Variants in L3MBTL3 observed in about 807,000 individuals in gnomAD.
L3MBTL3 encodes lethal(3)malignant brain tumor-like protein 3.
L3MBTL3 carries 27 observed loss-of-function variants against 102.3 expected under a neutral mutation model. The ratio of observed to expected loss-of-function variants is 0.26; its 90% CI spans 0.19 to 0.36. L3MBTL3 has a LOEUF of 0.36. Ranked by LOEUF, L3MBTL3 falls within the 10% of genes least tolerant of loss-of-function variation. The pLI, the probability that L3MBTL3 is intolerant of heterozygous loss-of-function variation, is 1.00. For synonymous variants in L3MBTL3, 340 were observed against 320.9 expected, an observed-to-expected ratio of 1.06 and a Z score of -0.64; for missense variants, 798 against 955.3, an observed-to-expected ratio of 0.84 and a Z score of 2.17.
chr6:130,051,698 G>T (rs1041031367), intron 6 of L3MBTL3, among the ~76,000 whole-genome samples: 26 of 152,140 alleles, frequency 1.7e-4, no homozygotes, highest in Non-Finnish European at 7.4e-5. Flanking sequence ...AGAGTATTTA[G>T]TTTTTTCTGG....
chr6:130,097,233 A>G (rs1483504085), intron 18 of L3MBTL3, among the ~76,000 whole-genome samples: 2 of 152,224 alleles, frequency 1.3e-5, no homozygotes, highest in African/African-American at 4.8e-5. Context: ...TGTCGTGGAT[A>G]TTCTTTGAAA....
rs138804881 is a variant in L3MBTL3 at position 130,104,524 on chromosome 6, C to T, written c.1835C>T (p.Pro612Leu). 9.4e-6 allele frequency: 15 copies of T among 1,593,216 alleles called. No individual in the cohort carries two copies. In the African/African-American group the frequency reaches 2.0e-4, roughly 22 times the overall value. Residue 612 changes from proline (P) to leucine (L), a missense_variant, in exon 19 of 23, where the codon CCA becomes CTA. Around this residue, in one of 4 missense-constraint regions of L3MBTL3, gnomAD observed 306 missense variants for 314.4 expected, o/e 0.97. Coordinates refer to ENST00000361794, the MANE Select transcript of L3MBTL3 (RefSeq NM_032438.4). ...GEMPPASPSFPRNKRTDANES... is the reference protein window; with the variant it reads ...GEMPPASPSFLRNKRTDANES... ...ATGCCTCCGGCTAGTCCGTCATTTC[C>T]AAGAAATAAAAGGACAGATGCAAAT...
At chr6:130,102,735 C>T (rs1019759112) in intron 18 of L3MBTL3, among the ~76,000 whole-genome samples, 5 of 152,204 alleles carry the variant, frequency 3.3e-5, no homozygotes, top group East Asian at 1.9e-4. Flanking sequence ...TGTTTCCCTA[C>T]GGATCTTCTT....
At position 130,024,849 on chromosome 6, in the gene L3MBTL3, G is replaced by A. The variant is rs1779238993; in HGVS notation, c.-16+2544G>A. 2.0e-5 allele frequency among the ~76,000 whole-genome samples: 3 copies of A among 152,132 alleles called. No homozygotes were observed. The South Asian group carries it at 6.2e-4, about 31-fold the overall frequency. On this transcript the variant is annotated intron_variant, in intron 2 of 22. Transcript: ENST00000361794. ...AATAATAGTATAACAGTTGCACATGGTACCATTAGGAAAGGATGAGGGCTC... is the reference window on the plus strand; with the variant it reads ...AATAATAGTATAACAGTTGCACATGATACCATTAGGAAAGGATGAGGGCTC...
chr6:130,050,731 T>C (rs1781043874), intron 5 of L3MBTL3, among the ~76,000 whole-genome samples: 1 of 152,212 alleles, frequency 6.6e-6, no homozygotes, highest in Non-Finnish European at 1.5e-5. Flanking sequence ...ATGATTAGCC[T>C]AACAATTCAG....
chr6:130,032,728 C>A (rs1441480875), intron 2 of L3MBTL3, among the ~76,000 whole-genome samples: 2 of 152,212 alleles, frequency 1.3e-5, no homozygotes, highest in African/African-American at 4.8e-5. Flanking sequence ...TGGTGGCTCA[C>A]ACCTGTAATC....
chr6:130,130,029 G>A (rs1023448703), intron 20 of L3MBTL3, among the ~76,000 whole-genome samples: 7 of 152,194 alleles, frequency 4.6e-5, no homozygotes, highest in African/African-American at 1.2e-4. Flanking sequence ...ATCAGTTAGC[G>A]AGGAAGACTC....
chr6:130,058,871 A>G (rs1265517371), intron 9 of L3MBTL3, among the ~76,000 whole-genome samples: 5 of 152,196 alleles, frequency 3.3e-5, no homozygotes. Context: ...GTGGTATGTA[A>G]TTAATTTGTC....
intron 2 of L3MBTL3, among the ~76,000 whole-genome samples, chr6:130,027,173 G>A (rs1221812808): frequency 6.6e-6 from 1 of 152,118 alleles, no homozygotes; most frequent in Non-Finnish European, 1.5e-5. Context: ...CGGTGGATCA[G>A]GCAGTTCTTC....
chr6:130,098,463 A>G (rs1784487863), intron 18 of L3MBTL3, among the ~76,000 whole-genome samples: 1 of 152,218 alleles, frequency 6.6e-6, no homozygotes, highest in African/African-American at 2.4e-5. Context: ...TGAGGGAAGC[A>G]GAGCATTCAT....
At chr6:130,042,494 T>C (rs1780483770) in intron 2 of L3MBTL3, among the ~76,000 whole-genome samples, 191 bp from the exon 3 acceptor site, 1 of 152,222 alleles carries the variant, frequency 6.6e-6, no homozygotes, top group African/African-American at 2.4e-5. Context: ...ATTTTTTCTC[T>C]ATACTTTTCC....
chr6:130,043,243 TA>T (rs1026003280), intron 3 of L3MBTL3, among the ~76,000 whole-genome samples: 5 of 152,242 alleles, frequency 3.3e-5, no homozygotes, highest in African/African-American at 1.2e-4. Flanking sequence ...AAGTATTGAA[TA>T]AATAGGATTA....
At chr6:130,110,274 A>G (rs528425710) in intron 19 of L3MBTL3, among the ~76,000 whole-genome samples, 3 of 152,310 alleles carry the variant, frequency 2.0e-5, no homozygotes, top group Middle Eastern at 3.4e-3. Context: ...CATTGAATCT[A>G]TAAATTACTT....
At chr6:130,032,525 T>G (rs567877069) in intron 2 of L3MBTL3, among the ~76,000 whole-genome samples, 111 of 152,338 alleles carry the variant, frequency 7.3e-4, no homozygotes, top group African/African-American at 2.0e-3. Flanking sequence ...TGAATAATTG[T>G]TAAACCAGAT....
chr6:130,019,204 G>A (rs1255753059), intron 1 of L3MBTL3, among the ~76,000 whole-genome samples: 1 of 150,040 alleles, frequency 6.7e-6, no homozygotes. Context: ...CGGGCGCGGG[G>A]TGGGGGAGCG....
chr6:130,028,249 A>G (rs1371446585), intron 2 of L3MBTL3, among the ~76,000 whole-genome samples: 1 of 152,156 alleles, frequency 6.6e-6, no homozygotes, highest in Non-Finnish European at 1.5e-5. Flanking sequence ...TTTGCACATG[A>G]TCTCCATGGC....
chr6:130,071,138 T>A lies in L3MBTL3; in HGVS notation c.1244+11T>A, dbSNP rs1782614348. 1.4e-5 allele frequency: 22 copies of A among 1,604,772 alleles called. No individual in the cohort carries two copies. The highest frequency in any genetic ancestry group is 1.9e-5 in the Non-Finnish European group (22 of 1,175,288). On this transcript the variant is annotated intron_variant, in intron 13 of 22. Coordinates refer to ENST00000361794, the MANE Select transcript of L3MBTL3 (RefSeq NM_032438.4). ...GAGCTATGACTATTGGTGAGACATTTTCTGTTGTGTGCTTTTAAAAATTTA... is the reference window on the plus strand; with the variant it reads ...GAGCTATGACTATTGGTGAGACATTATCTGTTGTGTGCTTTTAAAAATTTA...
At chr6:130,099,196 C>T (rs188408339) in intron 18 of L3MBTL3, among the ~76,000 whole-genome samples, 4 of 152,156 alleles carry the variant, frequency 2.6e-5, no homozygotes, top group Admixed American at 2.6e-4. Context: ...GTGTAGGATG[C>T]ACCTCAATAA....
chr6:130,064,885 C>G (rs1782147537), intron 10 of L3MBTL3, among the ~76,000 whole-genome samples: 1 of 152,126 alleles, frequency 6.6e-6, no homozygotes, highest in Non-Finnish European at 1.5e-5. Context: ...ACGGTGTGCC[C>G]ACAAGGAACT....
Sources: allele counts gnomAD v4.1 joint callset (sites outside exome capture counted in the v4.1 genomes callset), GRCh38; gene constraint gnomAD v4.1.1; regional missense constraint gnomAD v4.1.1; transcripts MANE v1.5; gene names NCBI Gene and HGNC (gene_info 2026-07-23, HGNC 2026-07-21).